The following NCAM2 variants were observed in gnomAD, a reference collection of about 807,000 sequenced individuals.
NCAM2 encodes the protein neural cell adhesion molecule 2.
A neutral mutation model predicts 98.1 loss-of-function variants in NCAM2; 30 were observed. The observed-to-expected ratio is 0.31, with a 90% CI of 0.23 to 0.41. The LOEUF (loss-of-function observed/expected upper bound fraction) is 0.41. Ranked by LOEUF, NCAM2 falls within the 10% of genes least tolerant of loss-of-function variation. NCAM2 has a pLI of 1.00. For synonymous variants in NCAM2, 368 were observed against 342.4 expected (o/e 1.07, Z -0.83); for missense variants, 867 against 1,005.8 (o/e 0.86, Z 1.87).
intron 16 of NCAM2, among the ~76,000 whole-genome samples, chr21:21,530,889 C>G (rs1300930913): frequency 1.3e-5 from 2 of 151,652 alleles, no homozygotes; most frequent in Non-Finnish European, 2.9e-5. Context: ...GGCAAATTGC[C>G]CACAGAAGTC....
At chr21:21,507,683 G>A (rs1014177024) in intron 15 of NCAM2, among the ~76,000 whole-genome samples, 2 of 151,178 alleles carry the variant, frequency 1.3e-5, no homozygotes, top group African/African-American at 2.4e-5. Flanking sequence ...TCAGCTACTC[G>A]GGAGGCTGAG....
intron 1 of NCAM2, among the ~76,000 whole-genome samples, chr21:21,106,314 C>CAAAAAAAAAAAACAAAAAAAAAAAAAAA (rs2066345962): frequency 9.7e-6 from 1 of 103,490 alleles, no homozygotes. Flanking sequence ...GTCTCAAAAG[C>CAAAAAAAAAAAACAAAAAAAAAAAAAAA]AAAAAAAAAA....
chr21:21,339,925 T>C (rs1359279206), intron 8 of NCAM2, among the ~76,000 whole-genome samples: 1 of 151,888 alleles, frequency 6.6e-6, no homozygotes, highest in African/African-American at 2.4e-5. Context: ...TTATTTTATA[T>C]ATTCAAGTTG....
At chr21:21,479,378 T>C (rs543753016) in intron 15 of NCAM2, among the ~76,000 whole-genome samples, 97 of 151,540 alleles carry the variant, frequency 6.4e-4, no homozygotes, top group African/African-American at 2.2e-3. Context: ...GGTCAGGAGA[T>C]GGAGACCATC....
chr21:21,313,831 GGC>G (rs1345292476), intron 5 of NCAM2, among the ~76,000 whole-genome samples: 1 of 151,790 alleles, frequency 6.6e-6, no homozygotes, highest in Non-Finnish European at 1.5e-5. Flanking sequence ...TAATGTTTCT[GGC>G]TATATCTGTT....
At chr21:21,194,515 CATT>C (rs1480258113) in intron 1 of NCAM2, among the ~76,000 whole-genome samples, 5 of 152,092 alleles carry the variant, frequency 3.3e-5, no homozygotes, top group Non-Finnish European at 2.9e-5. Flanking sequence ...GGGGCAAACA[CATT>C]ATTATCCTTA....
At chr21:21,366,286 T>A (rs995012784) in intron 8 of NCAM2, among the ~76,000 whole-genome samples, 1 of 152,052 alleles carries the variant, frequency 6.6e-6, no homozygotes, top group Non-Finnish European at 1.5e-5. Context: ...GCATCTCCTG[T>A]AGGATATTGT....
At chr21:21,253,660 G>T (rs1312889046) in intron 1 of NCAM2, among the ~76,000 whole-genome samples, 1 of 152,106 alleles carries the variant, frequency 6.6e-6, no homozygotes, top group African/African-American at 2.4e-5. Flanking sequence ...ATAATTTTTG[G>T]TAATTTGTTA....
intron 1 of NCAM2, among the ~76,000 whole-genome samples, chr21:21,102,035 A>G (rs1018449173): frequency 5.9e-5 from 9 of 151,998 alleles, no homozygotes; most frequent in African/African-American, 2.2e-4. Context: ...CCTTTGTGCA[A>G]CATTGATGTT....
At chr21:21,366,819 C>T (rs1257402215) in intron 8 of NCAM2, among the ~76,000 whole-genome samples, 1 of 152,162 alleles carries the variant, frequency 6.6e-6, no homozygotes, top group African/African-American at 2.4e-5. Context: ...CCAATTCACA[C>T]GTTTTAAGTA....
At chr21:21,342,628 T>C (rs925765880) in intron 8 of NCAM2, among the ~76,000 whole-genome samples, 1 of 152,150 alleles carries the variant, frequency 6.6e-6, no homozygotes, top group Non-Finnish European at 1.5e-5. Flanking sequence ...GACATAGTCT[T>C]GGAAGTCACA....
intron 1 of NCAM2, among the ~76,000 whole-genome samples, chr21:21,067,362 T>C (rs1206180706): frequency 5.3e-5 from 8 of 152,100 alleles, no homozygotes; most frequent in Admixed American, 5.2e-4. Flanking sequence ...AGAACTATGT[T>C]AATGAATATT....
intron 1 of NCAM2, among the ~76,000 whole-genome samples, chr21:21,169,209 T>A (rs983243653): frequency 2.0e-5 from 3 of 152,030 alleles, no homozygotes; most frequent in Non-Finnish European, 4.4e-5. Flanking sequence ...TTACAACAAA[T>A]GATATGGGAG....
At chr21:21,466,572 T>C (rs749463772) in intron 12 of NCAM2, 34 bp from the exon 13 acceptor site, 39 of 1,441,398 alleles carry the variant, frequency 2.7e-5, no homozygotes, top group Non-Finnish European at 3.7e-5. Context: ...TGTATATATA[T>C]GTTTTATTTT....
chr21:21,168,083 A>G (rs1601550536), intron 1 of NCAM2, among the ~76,000 whole-genome samples: 3 of 152,262 alleles, frequency 2.0e-5, no homozygotes, highest in Admixed American at 2.0e-4. Context: ...AGCATCCAAC[A>G]ATATATAAAA....
chr21:21,023,180 A>G (rs1428668943), intron 1 of NCAM2, among the ~76,000 whole-genome samples: 1 of 152,180 alleles, frequency 6.6e-6, no homozygotes. Flanking sequence ...ATAAGATGGG[A>G]TATACTATAA....
At chr21:21,423,567 A>G (rs2077155712) in intron 11 of NCAM2, among the ~76,000 whole-genome samples, 2 of 152,254 alleles carry the variant, frequency 1.3e-5, no homozygotes, top group South Asian at 2.1e-4. Context: ...ATAATGTTAA[A>G]TTCATTTGAC....
At chr21:21,223,269 A>G (rs1204378653) in intron 1 of NCAM2, 1 of 152,160 alleles carries the variant, frequency 6.6e-6, no homozygotes, top group Non-Finnish European at 1.5e-5. Context: ...AAAAATATCC[A>G]TGCAGTAAAA....
intron 1 of NCAM2, among the ~76,000 whole-genome samples, chr21:21,144,699 A>G (rs777904156): frequency 4.5e-4 from 69 of 152,220 alleles, no homozygotes; most frequent in Non-Finnish European, 7.6e-4. Context: ...TAAGTCAAAC[A>G]CCTCTGTTCC....
Sources: gnomAD v4.1 joint callset for allele counts (sites outside exome capture counted in the v4.1 genomes callset) on GRCh38, gnomAD v4.1.1 for gene constraint, MANE v1.5 for transcripts, NCBI Gene and HGNC (gene_info 2026-07-23, HGNC 2026-07-21) for gene names.